The following ARB2A variants were observed in gnomAD, a reference collection of about 807,000 sequenced individuals.
The protein encoded by ARB2A is cotranscriptional regulator ARB2A.
At chr5:93,824,181 A>G in the ARB2A span, 1 of 1,596,912 alleles carries the variant, frequency 6.3e-7, no homozygotes. Context: ...CATAGCTGTG[A>G]GCAACGAAAA....
At chr5:93,717,198 C>T in the ARB2A span, among the ~76,000 whole-genome samples, 8 of 152,252 alleles carry the variant, frequency 5.3e-5, no homozygotes, top group East Asian at 1.4e-3. Flanking sequence ...GGATCCTGAG[C>T]TACTGCATTG....
the ARB2A span, among the ~76,000 whole-genome samples, chr5:94,040,549 T>G: frequency 8.0e-6 from 1 of 124,528 alleles, no homozygotes; most frequent in Non-Finnish European, 1.6e-5. Flanking sequence ...TTCCCCTTCC[T>G]GTGTCCACGT....
At chr5:93,868,370 T>C in the ARB2A span, among the ~76,000 whole-genome samples, 1 of 152,094 alleles carries the variant, frequency 6.6e-6, no homozygotes, top group Non-Finnish European at 1.5e-5. Flanking sequence ...AACACTCAAG[T>C]CACTCAGTAA....
chr5:93,748,619 G>A, the ARB2A span, among the ~76,000 whole-genome samples: 1 of 152,020 alleles, frequency 6.6e-6, no homozygotes, highest in Non-Finnish European at 1.5e-5. Flanking sequence ...TTTGGATGAT[G>A]AGGGACTATA....
At chr5:93,811,900 T>C in the ARB2A span, among the ~76,000 whole-genome samples, 4 of 152,176 alleles carry the variant, frequency 2.6e-5, no homozygotes, top group African/African-American at 9.7e-5. Context: ...GACACTACTA[T>C]GAATTTTTTA....
chr5:93,765,301 G>T, the ARB2A span, among the ~76,000 whole-genome samples: 1 of 152,296 alleles, frequency 6.6e-6, no homozygotes, highest in African/African-American at 2.4e-5. Context: ...AAACCCCATT[G>T]TCTCAGCCCA....
the ARB2A span, among the ~76,000 whole-genome samples, chr5:94,032,719 C>T: frequency 6.6e-6 from 1 of 152,168 alleles, no homozygotes; most frequent in Non-Finnish European, 1.5e-5. Flanking sequence ...TTGCAATCAT[C>T]CTACAATTGT....
At chr5:93,886,201 C>T in the ARB2A span, among the ~76,000 whole-genome samples, 1 of 151,624 alleles carries the variant, frequency 6.6e-6, no homozygotes, top group Non-Finnish European at 1.5e-5. Context: ...TACATCTTTT[C>T]AACTATCTTT....
At chr5:93,747,996 G>A in the ARB2A span, among the ~76,000 whole-genome samples, 2 of 152,124 alleles carry the variant, frequency 1.3e-5, no homozygotes, top group Admixed American at 1.3e-4. Flanking sequence ...GCCAATCATG[G>A]CATTGTTGGC....
At chr5:94,076,467 G>A in the ARB2A span, among the ~76,000 whole-genome samples, 2 of 152,156 alleles carry the variant, frequency 1.3e-5, no homozygotes, top group South Asian at 2.1e-4. Flanking sequence ...GGGGTACTAT[G>A]GTGAGTAAAA....
the ARB2A span, among the ~76,000 whole-genome samples, chr5:93,842,677 T>G: frequency 5.9e-5 from 9 of 152,240 alleles, no homozygotes; most frequent in African/African-American, 2.2e-4. Flanking sequence ...ACCAACTCCA[T>G]TTACACTGCA....
chr5:93,655,159 G>T, the ARB2A span, among the ~76,000 whole-genome samples: 1 of 152,080 alleles, frequency 6.6e-6, no homozygotes, highest in African/African-American at 2.4e-5. Context: ...TTTGTGAAAG[G>T]ATTTTATACA....
the ARB2A span, among the ~76,000 whole-genome samples, chr5:93,712,957 A>T: frequency 6.6e-6 from 1 of 152,196 alleles, no homozygotes; most frequent in Non-Finnish European, 1.5e-5. Flanking sequence ...CACTGGGGAA[A>T]GGACAGTCTC....
At chr5:93,618,249 T>C in the ARB2A span, 1 of 152,068 alleles carries the variant, frequency 6.6e-6, no homozygotes, top group East Asian at 1.9e-4. Context: ...TCTTTTCAAA[T>C]ATCCATGAAA....
chr5:93,912,243 T>C, the ARB2A span, among the ~76,000 whole-genome samples: 1 of 151,758 alleles, frequency 6.6e-6, no homozygotes, highest in African/African-American at 2.4e-5. Flanking sequence ...AGTAAACTCA[T>C]CAATTTTGAT....
chr5:93,975,543 C>G, the ARB2A span, among the ~76,000 whole-genome samples: 1 of 151,950 alleles, frequency 6.6e-6, no homozygotes, highest in Non-Finnish European at 1.5e-5. Context: ...AATTGATAAA[C>G]TGTTAGCTAG....
At chr5:93,645,379 C>CT in the ARB2A span, among the ~76,000 whole-genome samples, 1 of 152,094 alleles carries the variant, frequency 6.6e-6, no homozygotes, top group Non-Finnish European at 1.5e-5. Flanking sequence ...AAAGACCATC[C>CT]TGGCCAATAT....
the ARB2A span, among the ~76,000 whole-genome samples, chr5:93,934,697 G>A: frequency 4.6e-5 from 7 of 152,286 alleles, no homozygotes; most frequent in East Asian, 1.4e-3. Flanking sequence ...TGGCCTGTCA[G>A]AATATGATCC....
At chr5:93,924,158 C>A in the ARB2A span, among the ~76,000 whole-genome samples, 1 of 151,996 alleles carries the variant, frequency 6.6e-6, no homozygotes, top group Non-Finnish European at 1.5e-5. Flanking sequence ...CTTGTAGCTA[C>A]ACGATGAAAA....
Sources: allele counts gnomAD v4.1 joint callset (sites outside exome capture counted in the v4.1 genomes callset), GRCh38; gene constraint gnomAD v4.1.1; transcripts MANE v1.5; gene names NCBI Gene and HGNC (gene_info 2026-07-23, HGNC 2026-07-21).